GALNT17: variants seen among roughly 807,000 people sequenced by gnomAD.
The protein encoded by GALNT17 is polypeptide N-acetylgalactosaminyltransferase 17, also known as UDP-GalNAc:polypeptide N-acetylgalactosaminyltransferase-like 3.
Under a neutral mutation model 63.7 loss-of-function variants are expected in GALNT17, and 29 were observed. The observed-to-expected ratio is 0.46, with a 90% confidence interval of 0.34 to 0.62. The LOEUF (loss-of-function observed/expected upper bound fraction) is 0.62. GALNT17 is among the 20% of genes least tolerant of loss of function. The pLI is 0.01. For missense variants in GALNT17, 603 were observed against 799.6 expected, an observed-to-expected ratio of 0.75 and a Z score of 2.97; for synonymous variants, 305 against 318.3, an observed-to-expected ratio of 0.96 and a Z score of 0.45.
chr7:71,446,509 T>C lies in GALNT17; in HGVS notation c.962+25404T>C, dbSNP rs1288882392. 2.6e-5 allele frequency among the ~76,000 whole-genome samples: 4 copies of C among 152,348 alleles called. No homozygotes were observed. The East Asian group carries it at 7.7e-4, about 29-fold the overall frequency. ...ATGTTTAAAAGTCAAATATATATTC[T>C]ACAAGGCTCTACCTACTCTTTAGAG... is the stretch of plus-strand genomic sequence containing the variant. On this transcript the variant is annotated intron_variant, in intron 5 of 10. Coordinates refer to ENST00000333538, the MANE Select transcript of GALNT17 (RefSeq NM_022479.3).
chr7:71,503,128 T>C (rs1584008314), intron 5 of GALNT17, among the ~76,000 whole-genome samples: 1 of 152,200 alleles, frequency 6.6e-6, no homozygotes, highest in African/African-American at 2.4e-5. Context: ...TATTAAATGC[T>C]GAAATCCTTC....
intron 1 of GALNT17, among the ~76,000 whole-genome samples, chr7:71,186,859 G>A (rs1211400951): frequency 6.6e-6 from 1 of 152,186 alleles, no homozygotes; most frequent in Non-Finnish European, 1.5e-5. Context: ...GAAAGGCTGG[G>A]CCTGCTGTAG....
intron 5 of GALNT17, among the ~76,000 whole-genome samples, chr7:71,524,834 G>A (rs1017167967): frequency 5.9e-5 from 9 of 152,106 alleles, no homozygotes; most frequent in Non-Finnish European, 2.9e-5. Context: ...GAAGTATGTG[G>A]ATGGATTCTG....
intron 9 of GALNT17, among the ~76,000 whole-genome samples, chr7:71,699,676 G>A (rs1584146828): frequency 1.3e-5 from 2 of 152,300 alleles, no homozygotes; most frequent in East Asian, 1.9e-4. Context: ...GCTCATGCCT[G>A]TAATCCCAAC....
At chr7:71,185,707 C>T (rs1788838029) in intron 1 of GALNT17, among the ~76,000 whole-genome samples, 1 of 152,008 alleles carries the variant, frequency 6.6e-6, no homozygotes, top group Non-Finnish European at 1.5e-5. Flanking sequence ...CGGGGTTTCA[C>T]CGTGTTAGCC....
intron 5 of GALNT17, among the ~76,000 whole-genome samples, chr7:71,459,827 C>G (rs1443036464): frequency 1.3e-5 from 2 of 152,200 alleles, no homozygotes; most frequent in African/African-American, 4.8e-5. Context: ...TCGTCATCTA[C>G]TGTCTCTAAG....
intron 5 of GALNT17, among the ~76,000 whole-genome samples, chr7:71,563,576 T>C (rs1789291131): frequency 1.3e-5 from 2 of 152,048 alleles, no homozygotes; most frequent in Admixed American, 1.3e-4. Flanking sequence ...TGGGCAGATA[T>C]GTCTTTTTTT....
intron 6 of GALNT17, among the ~76,000 whole-genome samples, chr7:71,580,431 A>T (rs1470938653): frequency 6.6e-6 from 1 of 150,492 alleles, no homozygotes; most frequent in Non-Finnish European, 1.5e-5. Context: ...ATAGATAGAT[A>T]GATAGATAGA....
chr7:71,245,362 A>G (rs1201163594), intron 1 of GALNT17, among the ~76,000 whole-genome samples: 2 of 152,136 alleles, frequency 1.3e-5, no homozygotes, highest in Non-Finnish European at 2.9e-5. Flanking sequence ...TGTTGTTGCC[A>G]TTTTTACTTT....
At chr7:71,278,076 G>A (rs2115736066) in intron 1 of GALNT17, among the ~76,000 whole-genome samples, 1 of 152,272 alleles carries the variant, frequency 6.6e-6, no homozygotes, top group South Asian at 2.1e-4. Flanking sequence ...CCCAGGAGAG[G>A]GTGGGATGGG....
At chr7:71,482,081 A>G (rs13233135) in intron 5 of GALNT17, among the ~76,000 whole-genome samples, 103,506 of 138,184 alleles carry the variant, frequency 0.75, 39,988 homozygotes, top group Non-Finnish European at 0.87. Flanking sequence ...ATATATGTAT[A>G]TGTGTGTGTG....
intron 5 of GALNT17, among the ~76,000 whole-genome samples, chr7:71,554,607 A>G (rs1400694854): frequency 1.3e-5 from 2 of 152,198 alleles, no homozygotes; most frequent in Non-Finnish European, 2.9e-5. Context: ...CTGCCTAAAC[A>G]TCACTCCACC....
At chr7:71,254,151 T>G (rs529700751) in intron 1 of GALNT17, among the ~76,000 whole-genome samples, 1 of 152,326 alleles carries the variant, frequency 6.6e-6, no homozygotes, top group South Asian at 2.1e-4. Context: ...GATTCAAACA[T>G]TTTCCAACTG....
intron 6 of GALNT17, among the ~76,000 whole-genome samples, chr7:71,637,406 G>A (rs558287389): frequency 1.3e-5 from 2 of 151,506 alleles, no homozygotes; most frequent in East Asian, 3.9e-4. Flanking sequence ...AATTTTTCTG[G>A]TCTTGATCTC....
chr7:71,288,315 T>A (rs1050553447), intron 1 of GALNT17, among the ~76,000 whole-genome samples: 5 of 151,922 alleles, frequency 3.3e-5, no homozygotes, highest in Non-Finnish European at 7.4e-5. Flanking sequence ...CCTCATCGTA[T>A]TCATGTTGAG....
chr7:71,243,055 G>A (rs1457603030), intron 1 of GALNT17, among the ~76,000 whole-genome samples: 1 of 152,174 alleles, frequency 6.6e-6, no homozygotes, highest in African/African-American at 2.4e-5. Flanking sequence ...ATCCCTACAT[G>A]TTGAGGGAGG....
chr7:71,308,932 C>T (rs934940958), intron 1 of GALNT17, among the ~76,000 whole-genome samples: 6 of 151,838 alleles, frequency 4.0e-5, no homozygotes, highest in South Asian at 2.1e-4. Context: ...TTAGTAGAGA[C>T]GGGGTTTCAC....
At chr7:71,617,671 C>G (rs540339398) in intron 6 of GALNT17, among the ~76,000 whole-genome samples, 2 of 149,936 alleles carry the variant, frequency 1.3e-5, no homozygotes, top group Non-Finnish European at 3.0e-5. Context: ...GAGATGGAAT[C>G]TCGCTCTGTC....
chr7:71,447,051 C>T (rs1787174430), intron 5 of GALNT17, among the ~76,000 whole-genome samples: 1 of 152,306 alleles, frequency 6.6e-6, no homozygotes, highest in Admixed American at 6.5e-5. Context: ...CTTTTCCCGC[C>T]ACACCAGCCA....
Sources: gnomAD v4.1 joint callset for allele counts (sites outside exome capture counted in the v4.1 genomes callset) on GRCh38, gnomAD v4.1.1 for gene constraint, MANE v1.5 for transcripts, NCBI Gene and HGNC (gene_info 2026-07-23, HGNC 2026-07-21) for gene names.